Variants in NEBL observed in about 807,000 individuals in gnomAD.
NEBL encodes LIM and SH3 protein 2.
NEBL carries 122 observed loss-of-function variants against 140.2 expected under a neutral mutation model. That is an observed-to-expected ratio of 0.87 (90% confidence interval 0.75 to 1.01). The LOEUF (loss-of-function observed/expected upper bound fraction) is 1.01, where lower values mean the gene tolerates loss of function less well. Among genes scored for constraint, NEBL ranks in the 50% least tolerant of loss-of-function variants. The pLI, the probability that NEBL is intolerant of heterozygous loss-of-function variation, is 0.00. For missense variants in NEBL, 1,365 were observed against 1,231.3 expected (o/e 1.11, Z -1.62); for synonymous variants, 436 against 398.9 (o/e 1.09, Z -1.11).
rs202171786 is a variant in NEBL, at chr10:21,102,287, A to T, written c.164+70096T>A. 5.3e-5 allele frequency among the ~76,000 whole-genome samples: 8 copies of T among 152,302 alleles called. No homozygotes were observed. In the East Asian group the frequency reaches 1.5e-3, roughly 29 times the overall value. ...CTTTAATAAGATATAATTGGCTCACAATATAATGCATATATTTAGAGTGCA... is the reference window on the plus strand; with the variant it reads ...CTTTAATAAGATATAATTGGCTCACTATATAATGCATATATTTAGAGTGCA... On this transcript the variant is annotated intron_variant, in intron 2 of 6. Transcript: ENST00000417816.
chr10:21,269,473 C>T (rs1312569021), intron 1 of NEBL, among the ~76,000 whole-genome samples: 4 of 152,166 alleles, frequency 2.6e-5, no homozygotes, highest in Admixed American at 2.0e-4. Context: ...TTATCTTCTT[C>T]GCACTCTAAA....
At chr10:20,841,096 AG>A (rs1424562981) in intron 12 of NEBL, among the ~76,000 whole-genome samples, 2 of 151,910 alleles carry the variant, frequency 1.3e-5, no homozygotes, top group Admixed American at 6.6e-5. Flanking sequence ...TTGGTACCAT[AG>A]TGGATTTTTT....
intron 2 of NEBL, among the ~76,000 whole-genome samples, chr10:21,040,987 T>A (rs1834244311): frequency 6.6e-6 from 1 of 152,130 alleles, no homozygotes; most frequent in Non-Finnish European, 1.5e-5. Flanking sequence ...AAGAGCCAAT[T>A]AAGCCCATTT....
At chr10:21,130,452 C>G (rs1010746413) in intron 2 of NEBL, among the ~76,000 whole-genome samples, 1 of 152,142 alleles carries the variant, frequency 6.6e-6, no homozygotes, top group Non-Finnish European at 1.5e-5. Context: ...AGAATACACA[C>G]TCTTTTCAAA....
intron 9 of NEBL, among the ~76,000 whole-genome samples, chr10:20,855,553 G>A (rs12355782): frequency 0.59 from 88,301 of 150,668 alleles, 26,702 homozygotes; most frequent in Non-Finnish European, 0.65. Context: ...AAACTTAATT[G>A]AATTAAGATC....
intron 2 of NEBL, chr10:21,146,659 C>T: frequency 1.7e-6 from 1 of 573,650 alleles, no homozygotes. Flanking sequence ...TTATGAGATG[C>T]TCTGAAAAGT....
intron 4 of NEBL, among the ~76,000 whole-genome samples, chr10:20,927,996 A>G (rs1434966781): frequency 1.3e-5 from 2 of 152,222 alleles, no homozygotes; most frequent in Non-Finnish European, 2.9e-5. Flanking sequence ...TTTTTAATCT[A>G]ACGAAATGAA....
At chr10:20,920,114 C>A (rs1833510367) in intron 4 of NEBL, among the ~76,000 whole-genome samples, 1 of 152,060 alleles carries the variant, frequency 6.6e-6, no homozygotes, top group African/African-American at 2.4e-5. Flanking sequence ...CATTTTATAC[C>A]TTTCAAATTA....
At chr10:21,149,659 A>T (rs1248822465) in intron 2 of NEBL, among the ~76,000 whole-genome samples, 1 of 152,230 alleles carries the variant, frequency 6.6e-6, no homozygotes, top group African/African-American at 2.4e-5. Flanking sequence ...CCACTCTAGC[A>T]AATTAACAGA....
chr10:20,972,418 A>C (rs879343234), intron 3 of NEBL, among the ~76,000 whole-genome samples: 1 of 152,190 alleles, frequency 6.6e-6, no homozygotes, highest in Non-Finnish European at 1.5e-5. Context: ...AAAACTCTGT[A>C]AACAGCAAAA....
At chr10:21,264,638 A>G (rs1411214496) in intron 1 of NEBL, among the ~76,000 whole-genome samples, 1 of 142,058 alleles carries the variant, frequency 7.0e-6, no homozygotes, top group African/African-American at 2.6e-5. Context: ...CATAGACCAG[A>G]GTATACTTTC....
intron 3 of NEBL, among the ~76,000 whole-genome samples, chr10:21,229,078 T>TTACCTCCC (rs1202369484): frequency 2.6e-5 from 4 of 152,188 alleles, no homozygotes; most frequent in Non-Finnish European, 2.9e-5. Flanking sequence ...GGACTATTTG[T>TTACCTCCC]TACCTCCCTA....
chr10:20,787,700 A>C (rs1397001075), intron 26 of NEBL, among the ~76,000 whole-genome samples: 3 of 152,222 alleles, frequency 2.0e-5, no homozygotes, highest in Admixed American at 6.5e-5. Context: ...GATAGAGTAT[A>C]AGTGTTTTCA....
intron 4 of NEBL, among the ~76,000 whole-genome samples, chr10:20,935,191 G>A (rs372694440): frequency 3.4e-4 from 52 of 152,246 alleles, no homozygotes; most frequent in Non-Finnish European, 5.7e-4. Context: ...AAGTCACCCC[G>A]AGGAAGCATC....
At chr10:21,117,568 G>A (rs950040759) in intron 2 of NEBL, among the ~76,000 whole-genome samples, 2 of 152,116 alleles carry the variant, frequency 1.3e-5, no homozygotes, top group Non-Finnish European at 2.9e-5. Flanking sequence ...CAACAATCTC[G>A]TTTGTTTGCC....
At chr10:21,088,939 C>T (rs116714054) in intron 2 of NEBL, among the ~76,000 whole-genome samples, 3 of 152,160 alleles carry the variant, frequency 2.0e-5, no homozygotes, top group Non-Finnish European at 2.9e-5. Flanking sequence ...ATGAACCACG[C>T]GAGGCAGGAA....
At chr10:21,126,093 CT>C in intron 2 of NEBL, 1 of 1,613,396 alleles carries the variant, frequency 6.2e-7, no homozygotes, top group Non-Finnish European at 8.5e-7. Flanking sequence ...GCCTCAGGCC[CT>C]TCTCGGCTCT....
At chr10:21,131,096 A>C (rs946066359) in intron 2 of NEBL, among the ~76,000 whole-genome samples, 3 of 152,204 alleles carry the variant, frequency 2.0e-5, no homozygotes, top group Admixed American at 2.0e-4. Context: ...GGATAATAAA[A>C]GAATACTACA....
chr10:21,129,962 G>C (rs1004364523), intron 2 of NEBL, among the ~76,000 whole-genome samples: 1 of 151,820 alleles, frequency 6.6e-6, no homozygotes, highest in Non-Finnish European at 1.5e-5. Context: ...TTTCAGAATG[G>C]ATCAAAAAAA....
Sources: gnomAD v4.1 joint callset for allele counts (sites outside exome capture counted in the v4.1 genomes callset) on GRCh38, gnomAD v4.1.1 for gene constraint, MANE v1.5 for transcripts, NCBI Gene and HGNC (gene_info 2026-07-23, HGNC 2026-07-21) for gene names.